The following COCH variants were observed in gnomAD, a reference collection of about 807,000 sequenced individuals.
COCH encodes cochlin, also known as coagulation factor C homolog, cochlin (Limulus polyphemus).
In COCH, 40 loss-of-function variants were observed where a neutral mutation model predicts 54.8. The ratio of observed to expected loss-of-function variants is 0.73; its 90% CI spans 0.57 to 0.95. The LOEUF is 0.95. Ranked by LOEUF, COCH falls within the 40% of genes least tolerant of loss-of-function variation. COCH has a pLI of 0.00. For synonymous variants in COCH, 256 were observed against 237.9 expected (o/e 1.08, Z -0.70); for missense variants, 605 against 675.0 (o/e 0.90, Z 1.15).
In COCH at chr14:30,889,744, G is replaced by C. The variant is rs1328002573; in HGVS notation, c.1606G>C (p.Asp536His). ...EFTGLEPIVS[D>H]VIRGICRDFL... ...CACAGGATTAGAACCAATTGTTTCT[G>C]ATGTCATCAGAGGCATTTGTAGAGA... is the stretch of plus-strand genomic sequence containing the variant. The change falls in exon 12 of 12, where the codon GAT (aspartate) becomes CAT (histidine). Residue 536 changes from aspartate (D) to histidine (H), a missense_variant. Asp to His is a moderately conservative substitution (Grantham distance 81). Transcript: ENST00000396618. 1 of 1,613,332 alleles carries C rather than the reference G, an allele frequency of 6.2e-7. No homozygotes were observed. The highest frequency in any genetic ancestry group is 1.7e-5 in the Admixed American group (1 of 60,002).
intron 10 of COCH, 63 bp downstream of exon 10, chr14:30,885,683 C>A (rs899301058): frequency 4.5e-5 from 66 of 1,466,754 alleles, no homozygotes; most frequent in Non-Finnish European, 6.0e-5. Flanking sequence ...CCTCTAAGTG[C>A]AGTGCTGACT....
downstream of COCH, among the ~76,000 whole-genome samples, chr14:30,891,840 A>G (rs1895989384): frequency 6.6e-6 from 1 of 152,248 alleles, no homozygotes; most frequent in African/African-American, 2.4e-5. Flanking sequence ...GTTACTATCA[A>G]TAATTATGTA....
intron 5 of COCH, 93 bp from the exon 6 acceptor site, chr14:30,879,330 T>C (rs1895486029): frequency 7.9e-7 from 1 of 1,267,500 alleles, no homozygotes. Context: ...ATTACCCTAT[T>C]ACATTTGTCA....
chr14:30,875,190 G>A (rs960623224), intron 3 of COCH, 87 bp downstream of exon 3: 23 of 1,519,372 alleles, frequency 1.5e-5, no homozygotes, highest in Non-Finnish European at 1.5e-5. Context: ...AGCCCCTTGG[G>A]CTTCAGCCCT....
In COCH at chr14:30,877,334, T is replaced by C. The variant is rs1594370790; in HGVS notation, c.83-238T>C. The C allele has an allele frequency of 8.0e-6, 4 of 502,896 alleles. No homozygotes were observed. In the East Asian group the frequency reaches 1.6e-4, roughly 19 times the overall value. The allele number at this position is 502,896 out of a possible 1,614,324, so 31.2% of individuals were successfully genotyped here. A position where few individuals can be genotyped will look rare whatever the true frequency, so the allele number is the denominator to read the frequency against. ...CCCCATTTCAAAAACAAAAACGAAA[T>C]AAAAACCCAGAACTTTCACATTAGA... On this transcript the variant is annotated intron_variant, in intron 3 of 11. Coordinates refer to ENST00000396618, the MANE Select transcript of COCH (RefSeq NM_004086.3). The surrounding 1 kb of genome is among the most constrained non-coding windows in gnomAD (Gnocchi z 8.6).
intron 11 of COCH, among the ~76,000 whole-genome samples, chr14:30,888,865 A>AC (rs1895884907): frequency 6.6e-6 from 1 of 152,046 alleles, no homozygotes; most frequent in African/African-American, 2.4e-5. Flanking sequence ...ATGTATTATT[A>AC]CCCTAAATGT....
rs1005228220 is a variant in COCH at position 30,889,925 on chromosome 14, C to T, written c.*134C>T. 3 of 1,422,118 alleles carry T rather than the reference C, an allele frequency of 2.1e-6. No homozygotes were observed. The highest frequency in any genetic ancestry group is 9.2e-7 in the Non-Finnish European group (1 of 1,089,378). The allele number at this position is 1,422,118 out of a possible 1,614,324, so 88.1% of individuals were successfully genotyped here. On this transcript the variant is annotated 3_prime_UTR_variant, in exon 12 of 12. Transcript: ENST00000396618. ...TTAAGTATGTCAACAGCCATTTAGGCAAATAAGCACTCCTTTAAAGCCGCT... is the reference window on the plus strand; with the variant it reads ...TTAAGTATGTCAACAGCCATTTAGGTAAATAAGCACTCCTTTAAAGCCGCT...
downstream of COCH, chr14:30,895,375 C>A: frequency 6.4e-7 from 1 of 1,563,640 alleles, no homozygotes; most frequent in Non-Finnish European, 8.7e-7. Context: ...TCTTTCTGTC[C>A]AAGCAAATCT....
At chr14:30,895,077 A>AAAAG (rs1896101873), downstream of COCH, 12 of 184,302 alleles carry the variant, frequency 6.5e-5, no homozygotes, top group South Asian at 1.5e-4. Flanking sequence ...AAAAAAAAAA[A>AAAAG]AAGAAGAAGA....
At chr14:30,894,928 A>G, downstream of COCH, 4 of 1,109,610 alleles carry the variant, frequency 3.6e-6, no homozygotes, top group Non-Finnish European at 4.6e-6. Flanking sequence ...TAAGTTTAAA[A>G]GGGAATCTGT....
At chr14:30,882,119 GGTTTTT>G (rs1895616719) in intron 8 of COCH, among the ~76,000 whole-genome samples, 1 of 84,874 alleles carries the variant, frequency 1.2e-5, no homozygotes, top group African/African-American at 6.0e-5. Context: ...ACTATAAAAT[GGTTTTT>G]TTTTTTTTTT....
rs28362771 is a variant in COCH at position 30,884,709 on chromosome 14, C to G, written c.733+53C>G. On this transcript the variant is annotated intron_variant, in intron 9 of 11. Transcript: ENST00000396618. ...AACATAGGAGAGGGTTATCAGTGAT[C>G]AGACATGTAAAACAGTATTATGCTA... 3.4e-3 allele frequency: 4,784 copies of G among 1,403,606 alleles called. 140 individuals are homozygous for G. In the African/African-American group the frequency reaches 0.058, roughly 17 times the overall value. 86.9% of individuals were successfully genotyped at this position (1,403,606 alleles called of 1,614,324 possible). A position where few individuals can be genotyped will look rare whatever the true frequency, so the allele number is the denominator to read the frequency against.
At position 30,877,534 on chromosome 14, in the gene COCH, C is replaced by T. The variant is rs2138836927; in HGVS notation, c.83-38C>T. 6.2e-7 allele frequency: 1 copy of T among 1,612,080 alleles called. No homozygotes were observed. The highest frequency in any genetic ancestry group is 8.5e-7 in the Non-Finnish European group (1 of 1,179,822). ...TCCCCACCACTATGCCCCAAGAAGT[C>T]CTAAGAATGCTTACAATATTATCTC... On this transcript the variant is annotated intron_variant, in intron 3 of 11. Coordinates refer to ENST00000396618, the MANE Select transcript of COCH (RefSeq NM_004086.3). This position sits in a 1 kb window ranked among gnomAD's most constrained non-coding sequence, Gnocchi z 8.6.
chr14:30,881,212 C>CAA (rs11297000), intron 8 of COCH, among the ~76,000 whole-genome samples: 1,452 of 93,300 alleles, frequency 0.016, 68 homozygotes, highest in Admixed American at 0.12. Context: ...GACTATGTCT[C>CAA]AAAAAAAAAA....
chr14:30,874,634 G>A (rs781390066), intron 1 of COCH, 43 bp downstream of exon 1: 283 of 544,078 alleles, frequency 5.2e-4, no homozygotes, highest in Non-Finnish European at 8.5e-4. Flanking sequence ...AGGGATCCCT[G>A]ACGCCTCTGT....
At chr14:30,891,585 A>G (rs1367507893), downstream of COCH, among the ~76,000 whole-genome samples, 6 of 152,230 alleles carry the variant, frequency 3.9e-5, no homozygotes, top group Non-Finnish European at 7.3e-5. Context: ...TGTAACAGGG[A>G]TAATTTTAAT....
At chr14:30,889,484 G>C in intron 11 of COCH, 132 bp from the exon 12 acceptor site, 1 of 792,114 alleles carries the variant, frequency 1.3e-6, no homozygotes, top group South Asian at 1.6e-5. Flanking sequence ...TTGTTCAGGG[G>C]ATTTAATTGT....
chr14:30,882,119 G>GTTTTTTT (rs1566410309), intron 8 of COCH, among the ~76,000 whole-genome samples: 4 of 84,902 alleles, frequency 4.7e-5, no homozygotes, highest in African/African-American at 2.4e-4. Flanking sequence ...ACTATAAAAT[G>GTTTTTTT]GTTTTTTTTT....
At chr14:30,887,696 A>T (rs1415102789) in intron 11 of COCH, among the ~76,000 whole-genome samples, 1 of 152,152 alleles carries the variant, frequency 6.6e-6, no homozygotes, top group Non-Finnish European at 1.5e-5. Flanking sequence ...ATTCCTAATG[A>T]CATAACCTTT....
Sources: allele counts gnomAD v4.1 joint callset (sites outside exome capture counted in the v4.1 genomes callset), GRCh38; gene constraint gnomAD v4.1.1; non-coding constraint Gnocchi (gnomAD v3.1); transcripts MANE v1.5; gene names NCBI Gene and HGNC (gene_info 2026-07-23, HGNC 2026-07-21).